Variants in LHFPL6 observed in about 807,000 individuals in gnomAD.
The protein encoded by LHFPL6 is LHFPL tetraspan subfamily member 6, also known as LHFPL tetraspan subfamily member 6 protein.
LHFPL6 carries 9 observed loss-of-function variants against 20.6 expected under a neutral mutation model. The ratio of observed to expected loss-of-function variants is 0.44; its 90% CI spans 0.26 to 0.76. LHFPL6 has a LOEUF of 0.76. Among genes scored for constraint, LHFPL6 ranks in the 30% least tolerant of loss-of-function variants. The pLI, the probability that LHFPL6 is intolerant of heterozygous loss-of-function variation, is 0.20. For missense variants in LHFPL6, 218 were observed against 253.5 expected (o/e 0.86, Z 0.95); for synonymous variants, 105 against 98.7 (o/e 1.06, Z -0.38).
chr13:39,561,580 A>G (rs2138520166), intron 2 of LHFPL6, among the ~76,000 whole-genome samples: 1 of 152,210 alleles, frequency 6.6e-6, no homozygotes, highest in East Asian at 1.9e-4. Flanking sequence ...CTCCTGCCTC[A>G]GCCTCCCAAG....
intron 2 of LHFPL6, among the ~76,000 whole-genome samples, chr13:39,484,386 T>C (rs1204698798): frequency 1.3e-5 from 2 of 152,112 alleles, no homozygotes; most frequent in Non-Finnish European, 2.9e-5. Context: ...AGTTTGCTGC[T>C]GTTGTTAGAA....
chr13:39,561,987 G>A (rs1871498309), intron 2 of LHFPL6, among the ~76,000 whole-genome samples: 1 of 152,082 alleles, frequency 6.6e-6, no homozygotes, highest in Non-Finnish European at 1.5e-5. Context: ...CAGGATGAGG[G>A]CCAAATCTTC....
intron 2 of LHFPL6, among the ~76,000 whole-genome samples, chr13:39,441,817 C>A (rs994825981): frequency 3.4e-5 from 5 of 145,686 alleles, no homozygotes; most frequent in African/African-American, 2.5e-5. Flanking sequence ...TGCACCTGGG[C>A]TAAAACTTTT....
chr13:39,474,457 A>G (rs936782730), intron 2 of LHFPL6, among the ~76,000 whole-genome samples: 2 of 152,208 alleles, frequency 1.3e-5, no homozygotes, highest in African/African-American at 4.8e-5. Context: ...TTTAGCTTTT[A>G]GTTCATAATT....
intron 3 of LHFPL6, among the ~76,000 whole-genome samples, 156 bp from the exon 4 acceptor site, chr13:39,344,210 C>T (rs76461458): frequency 6.6e-6 from 1 of 152,180 alleles, no homozygotes; most frequent in African/African-American, 2.4e-5. Context: ...GTTATCTTGA[C>T]AGTGAAGAAA....
intron 2 of LHFPL6, among the ~76,000 whole-genome samples, chr13:39,525,739 T>A (rs1171566005): frequency 6.6e-6 from 1 of 152,210 alleles, no homozygotes; most frequent in South Asian, 2.1e-4. Flanking sequence ...TTCCCTTTTT[T>A]AAGCTCATCC....
chr13:39,436,376 G>A (rs73175114), intron 2 of LHFPL6, among the ~76,000 whole-genome samples: 25,945 of 152,058 alleles, frequency 0.17, 2,573 homozygotes, highest in African/African-American at 0.27. Flanking sequence ...AATGAGCATA[G>A]CTTGCTTAAA....
intron 2 of LHFPL6, among the ~76,000 whole-genome samples, chr13:39,578,460 T>G (rs1301784652): frequency 6.6e-6 from 1 of 152,116 alleles, no homozygotes; most frequent in African/African-American, 2.4e-5. Context: ...CATTCAGTCA[T>G]TGGCATCCAA....
At chr13:39,580,974 A>G (rs1467568310) in intron 2 of LHFPL6, among the ~76,000 whole-genome samples, 1 of 152,260 alleles carries the variant, frequency 6.6e-6, no homozygotes, top group Non-Finnish European at 1.5e-5. Context: ...ATACAAGAAA[A>G]AAGTACTAAC....
At chr13:39,374,902 C>A (rs1870247618) in intron 3 of LHFPL6, among the ~76,000 whole-genome samples, 1 of 152,214 alleles carries the variant, frequency 6.6e-6, no homozygotes, top group Admixed American at 6.5e-5. Context: ...TCATTATAAG[C>A]ACTCCATAAA....
At position 39,387,534 on chromosome 13, in the gene LHFPL6, A is replaced by C. The variant is rs867546907; in HGVS notation, c.386-9008T>G. Among the ~76,000 whole-genome samples, 5 of 112,600 alleles carry C rather than the reference A, an allele frequency of 4.4e-5. 1 individual carries two copies. In the South Asian group the frequency reaches 1.7e-3, roughly 39 times the overall value. 73.9% of individuals were successfully genotyped at this position (112,600 alleles called of 152,430 possible). ...GCACTCCAGCCTGGGTGACAGAGTG[A>C]GAGACTGTCTCACAAAAAAAAAAAA... On this transcript the variant is annotated intron_variant, in intron 2 of 3. Transcript: ENST00000379589.
intron 2 of LHFPL6, among the ~76,000 whole-genome samples, chr13:39,431,708 T>G (rs1281615185): frequency 9.7e-6 from 1 of 102,908 alleles, no homozygotes; most frequent in Non-Finnish European, 2.0e-5. Context: ...AAAAGCCCTG[T>G]AGAATTTGTG....
At chr13:39,547,807 T>C in intron 2 of LHFPL6, among the ~76,000 whole-genome samples, 1 of 152,092 alleles carries the variant, frequency 6.6e-6, no homozygotes, top group East Asian at 1.9e-4. Context: ...TTTCATAATA[T>C]TGTAAGGAAT....
intron 2 of LHFPL6, among the ~76,000 whole-genome samples, chr13:39,415,455 T>C (rs940004412): frequency 6.6e-6 from 1 of 151,486 alleles, no homozygotes; most frequent in Non-Finnish European, 1.5e-5. Context: ...AACATGTTAA[T>C]AGTGTATTCC....
chr13:39,359,730 A>C (rs1869828577), intron 3 of LHFPL6, among the ~76,000 whole-genome samples: 1 of 152,136 alleles, frequency 6.6e-6, no homozygotes, highest in African/African-American at 2.4e-5. Flanking sequence ...TGCATCACAC[A>C]ATATACCTCT....
At chr13:39,411,344 A>G (rs1035800795) in intron 2 of LHFPL6, among the ~76,000 whole-genome samples, 3 of 152,304 alleles carry the variant, frequency 2.0e-5, no homozygotes, top group Admixed American at 6.5e-5. Context: ...ATATATGTGG[A>G]TTTGGATAGA....
chr13:39,361,626 T>G (rs1393886319), intron 3 of LHFPL6, among the ~76,000 whole-genome samples: 2 of 152,182 alleles, frequency 1.3e-5, no homozygotes, highest in African/African-American at 2.4e-5. Context: ...CTTGAGCCTC[T>G]TAAGATTTTA....
intron 2 of LHFPL6, among the ~76,000 whole-genome samples, chr13:39,404,245 T>C (rs1011168363): frequency 2.6e-5 from 4 of 152,216 alleles, no homozygotes; most frequent in African/African-American, 9.6e-5. Flanking sequence ...TGCTAACTAA[T>C]AAAATCAATC....
chr13:39,464,970 G>A (rs1176126182), intron 2 of LHFPL6, among the ~76,000 whole-genome samples: 1 of 152,064 alleles, frequency 6.6e-6, no homozygotes, highest in Non-Finnish European at 1.5e-5. Flanking sequence ...TCTAATAGGG[G>A]CACTTATTAG....
Sources: gnomAD v4.1 joint callset for allele counts (sites outside exome capture counted in the v4.1 genomes callset) on GRCh38, gnomAD v4.1.1 for gene constraint, MANE v1.5 for transcripts, NCBI Gene and HGNC (gene_info 2026-07-23, HGNC 2026-07-21) for gene names.